Variants in WDR35 observed in about 807,000 individuals in gnomAD.
WDR35 encodes the protein WD repeat domain 35.
In WDR35, 118 loss-of-function variants were observed where a neutral mutation model predicts 158.3. That is an observed-to-expected ratio of 0.75 (90% CI 0.64 to 0.87). WDR35 has a LOEUF of 0.87. WDR35 is among the 40% of genes least tolerant of loss of function. WDR35 has a pLI of 0.00. For missense variants in WDR35, 1,263 were observed against 1,405.8 expected, an observed-to-expected ratio of 0.90 and a Z score of 1.62; for synonymous variants, 448 against 476.1, an observed-to-expected ratio of 0.94 and a Z score of 0.77.
chr2:19,949,245 C>A (rs2103420576), intron 13 of WDR35, among the ~76,000 whole-genome samples: 1 of 152,268 alleles, frequency 6.6e-6, no homozygotes, highest in Admixed American at 6.5e-5. Context: ...TTGTTTGCCA[C>A]AGCTGGTATC....
At position 19,988,201 on chromosome 2, in the gene WDR35, C is replaced by A. The variant is rs376308000; in HGVS notation, c.142+964G>T. On this transcript the variant is annotated intron_variant, in intron 2 of 26. Transcript: ENST00000281405. Reference sequence around the variant, plus strand: ...TTTCTCACCTAGAATACCTACTGCCCAAGATTATTGTGAAGTCAAATAAGA... The same window carrying A: ...TTTCTCACCTAGAATACCTACTGCCAAAGATTATTGTGAAGTCAAATAAGA... Among the ~76,000 whole-genome samples, 6 of 152,152 alleles carry A rather than the reference C, an allele frequency of 3.9e-5. No homozygotes were observed. In the East Asian group the frequency reaches 1.2e-3, roughly 29 times the overall value.
At chr2:19,933,341 G>T in intron 22 of WDR35, 60 bp downstream of exon 22, 1 of 1,406,666 alleles carries the variant, frequency 7.1e-7, no homozygotes, top group Non-Finnish European at 1.0e-6. Context: ...CTTTAACCTT[G>T]CTTTGACTTA....
chr2:19,946,045 C>A, intron 15 of WDR35, 49 bp from the exon 16 acceptor site: 1 of 1,563,802 alleles, frequency 6.4e-7, no homozygotes, highest in South Asian at 1.1e-5. Context: ...AAATTACTAT[C>A]AGCAATCATG....
intron 10 of WDR35, 125 bp from the exon 11 acceptor site, chr2:19,960,739 T>A (rs1426332809): frequency 2.8e-6 from 2 of 719,544 alleles, no homozygotes; most frequent in Non-Finnish European, 4.7e-6. Flanking sequence ...CTGATGAAAC[T>A]GTTACGTGCA....
chr2:19,959,444 CT>C (rs1671558827), intron 11 of WDR35, among the ~76,000 whole-genome samples: 1 of 151,688 alleles, frequency 6.6e-6, no homozygotes, highest in Admixed American at 6.6e-5. Context: ...TTAAGCTAAG[CT>C]TTTTAACAAG....
Position 19,937,875 on chromosome 2 carries a change from T to A in WDR35, c.2135A>T (p.Lys712Ile). ...CACAAACTTAATGCCTTGGTAATCT[T>A]TGCAGCGCACAAATGCTTGCTCTGC... The part of the protein sequence containing the change: ...YTAEQAFVRC[K>I]DYQGIKFVKR... Residue 712 changes from lysine (K) to isoleucine (I), a missense_variant, in exon 19 of 27, where the codon AAA becomes ATA. Transcript: ENST00000281405. 6.2e-7 allele frequency: 1 copy of A among 1,614,184 alleles called. No homozygotes were observed. Among genetic ancestry groups the A allele is most frequent in the Non-Finnish European group, 8.5e-7 (1 of 1,180,022 alleles).
At chr2:19,914,307 T>G (rs770355059) in intron 25 of WDR35, 30 bp from the exon 26 acceptor site, 1 of 1,612,976 alleles carries the variant, frequency 6.2e-7, no homozygotes, top group East Asian at 2.2e-5. Flanking sequence ...TGGGGTTTTT[T>G]AAAATAATTA....
At chr2:19,968,287 T>C (rs186639671) in intron 9 of WDR35, among the ~76,000 whole-genome samples, 10 of 152,332 alleles carry the variant, frequency 6.6e-5, no homozygotes. Context: ...AAAGCTACTT[T>C]TTTTCCCCTC....
At chr2:19,969,277 T>C (rs1186429065) in intron 9 of WDR35, among the ~76,000 whole-genome samples, 3 of 152,206 alleles carry the variant, frequency 2.0e-5, no homozygotes, top group Non-Finnish European at 4.4e-5. Flanking sequence ...GAGTGTACCA[T>C]CTGTTTCTGG....
chr2:19,967,637 T>C (rs12616917), intron 9 of WDR35, among the ~76,000 whole-genome samples: 69,604 of 151,742 alleles, frequency 0.46, 16,191 homozygotes, highest in East Asian at 0.64. Flanking sequence ...GTTGATATTA[T>C]CATGATTGTG....
intron 25 of WDR35, among the ~76,000 whole-genome samples, chr2:19,927,137 C>A (rs941244550): frequency 6.6e-6 from 1 of 152,186 alleles, no homozygotes; most frequent in Non-Finnish European, 1.5e-5. Context: ...AGGGCTGACA[C>A]AGGGAACAAT....
At chr2:19,960,661 AAT>A in intron 10 of WDR35, 47 bp from the exon 11 acceptor site, 2 of 1,341,596 alleles carry the variant, frequency 1.5e-6, no homozygotes, top group Non-Finnish European at 1.1e-6. Flanking sequence ...GCTTATGAAT[AAT>A]AAAGGAAATA....
intron 8 of WDR35, among the ~76,000 whole-genome samples, chr2:19,971,312 A>G (rs1180845390): frequency 6.6e-6 from 1 of 152,200 alleles, no homozygotes; most frequent in African/African-American, 2.4e-5. Context: ...CCATTTTGAC[A>G]GTATTAAGAG....
At chr2:19,946,131 A>G in intron 15 of WDR35, 135 bp from the exon 16 acceptor site, 1 of 964,980 alleles carries the variant, frequency 1.0e-6, no homozygotes, top group East Asian at 2.6e-5. Flanking sequence ...ATGGCTTAAA[A>G]TTTTGTTAAA....
At chr2:19,959,222 G>A (rs1456926625) in intron 11 of WDR35, among the ~76,000 whole-genome samples, 1 of 151,148 alleles carries the variant, frequency 6.6e-6, no homozygotes, top group African/African-American at 2.4e-5. Flanking sequence ...TATGAAGAAG[G>A]ATTTACATTT....
rs989358660 is a variant in WDR35 at position 19,913,684 on chromosome 2, G to A, written c.3387C>T (p.Cys1129=). 10 of 1,613,856 alleles carry A rather than the reference G, an allele frequency of 6.2e-6. No homozygotes were observed. Among genetic ancestry groups the A allele is most frequent in the Middle Eastern group, 1.6e-4 (1 of 6,082 alleles). Residue 1129 remains cysteine (C), a synonymous_variant, in exon 27 of 27, where the codon TGC becomes TGT. Coordinates refer to ENST00000281405, the MANE Select transcript of WDR35 (RefSeq NM_020779.4). ...CAGTGATTGGGCTTCCTGTGGCAAC[G>A]CATGTTGGCAGTTTCCCTTCTCCAC... The part of the protein sequence containing the change: ...MEGGEGKLPT[C]VATGSPITEY...
At chr2:19,935,378 A>G (rs1572327545) in intron 21 of WDR35, 93 bp downstream of exon 21, 1 of 1,386,002 alleles carries the variant, frequency 7.2e-7, no homozygotes, top group East Asian at 2.5e-5. Flanking sequence ...TAGATTTTTA[A>G]TTTTCTTTAT....
intron 25 of WDR35, among the ~76,000 whole-genome samples, chr2:19,928,930 C>T (rs1384423093): frequency 6.6e-6 from 1 of 152,152 alleles, no homozygotes; most frequent in African/African-American, 2.4e-5. Flanking sequence ...CTTCAGCCTC[C>T]CAAGTAGCTG....
intron 8 of WDR35, among the ~76,000 whole-genome samples, chr2:19,970,388 A>G (rs1022438722): frequency 2.6e-5 from 4 of 152,000 alleles, no homozygotes; most frequent in African/African-American, 9.7e-5. Flanking sequence ...TCCACTCTCT[A>G]CAATTACCTT....
Sources: allele counts gnomAD v4.1 joint callset (sites outside exome capture counted in the v4.1 genomes callset), GRCh38; gene constraint gnomAD v4.1.1; transcripts MANE v1.5; gene names NCBI Gene and HGNC (gene_info 2026-07-23, HGNC 2026-07-21).